The following ATP7B variants were observed in gnomAD, a reference collection of about 807,000 sequenced individuals.
The protein encoded by ATP7B is copper-transporting ATPase 2.
Under a neutral mutation model 118.9 loss-of-function variants are expected in ATP7B, and 113 were observed. The ratio of observed to expected loss-of-function variants is 0.95; its 90% CI spans 0.82 to 1.11. The LOEUF is 1.11. ATP7B is among the 50% of genes most tolerant of loss of function. ATP7B has a pLI of 0.00. For synonymous variants in ATP7B, 777 were observed against 727.4 expected, an observed-to-expected ratio of 1.07 and a Z score of -1.10; for missense variants, 1,867 against 1,871.4, an observed-to-expected ratio of 1.00 and a Z score of 0.04.
intron 8 of ATP7B, 79 bp from the exon 9 acceptor site, chr13:51,957,686 G>T: frequency 1.4e-6 from 2 of 1,403,288 alleles, no homozygotes; most frequent in South Asian, 1.2e-5. Context: ...CACAAGCGTG[G>T]TGTTAGAGAC....
chr13:51,974,758 G>C lies in ATP7B; in HGVS notation c.462C>G (p.Cys154Trp), dbSNP rs771654032. 4 of 1,614,042 alleles carry C rather than the reference G, an allele frequency of 2.5e-6. No homozygotes were observed. The highest frequency in any genetic ancestry group is 3.4e-6 in the Non-Finnish European group (4 of 1,180,020). The change falls in exon 2 of 21, where the codon TGC becomes TGG. Residue 154 changes from cysteine (C) to tryptophan (W), a missense_variant. Cys to Trp is a radical substitution (Grantham distance 215, BLOSUM62 -2). Transcript: ENST00000242839. ...VVKLRVEGMT[C>W]QSCVSSIEGK... The stretch of plus-strand genomic sequence containing the variant: ...CTTCAATGGAGCTGACACAGGACTG[G>C]CAGGTCATGCCCTCCACCCGGAGCT...
chr13:51,976,497 G>A (rs141326858), intron 1 of ATP7B, among the ~76,000 whole-genome samples: 115 of 152,310 alleles, frequency 7.6e-4, no homozygotes, highest in Middle Eastern at 6.8e-3. Flanking sequence ...TTGGGGGACA[G>A]CAGTTCAAAA....
chr13:51,940,897 T>C (rs1158893909), intron 16 of ATP7B, among the ~76,000 whole-genome samples, 184 bp downstream of exon 16: 1 of 152,078 alleles, frequency 6.6e-6, no homozygotes, highest in East Asian at 1.9e-4. Flanking sequence ...GGGGCCAAGA[T>C]GGAGCCAGTG....
At chr13:51,993,769 C>A (rs184489474) in intron 1 of ATP7B, among the ~76,000 whole-genome samples, 2 of 152,282 alleles carry the variant, frequency 1.3e-5, no homozygotes, top group Non-Finnish European at 2.9e-5. Context: ...AGTGCTTTCA[C>A]AATCATATGA....
In ATP7B at chr13:51,989,102, A is replaced by G. The variant is rs1286664154; in HGVS notation, c.52-13934T>C. On this transcript the variant is annotated intron_variant, in intron 1 of 20. Transcript: ENST00000242839. ...CATACATGTTTGAAAACAAATGACT[A>G]TGAAGACAAACATCACCTCATTTGA... Among the ~76,000 whole-genome samples, 8 of 152,288 alleles carry G rather than the reference A, an allele frequency of 5.3e-5. No homozygotes were observed. In the East Asian group the frequency reaches 7.7e-4, roughly 15 times the overall value.
intron 7 of ATP7B, 41 bp downstream of exon 7, chr13:51,960,107 C>T (rs985569727): frequency 1.3e-6 from 2 of 1,594,446 alleles, no homozygotes; most frequent in Non-Finnish European, 1.7e-6. Context: ...GGGCCACACA[C>T]AGCATGGAAG....
At chr13:51,964,778 C>T (rs1050581797) in intron 5 of ATP7B, 94 bp downstream of exon 5, 24 of 1,455,070 alleles carry the variant, frequency 1.6e-5, no homozygotes, top group South Asian at 1.6e-4. Context: ...TGGTTATTTT[C>T]ATTTTTTCTT....
At chr13:51,961,980 G>A in intron 5 of ATP7B, 67 bp from the exon 6 acceptor site, 3 of 1,354,734 alleles carry the variant, frequency 2.2e-6, no homozygotes, top group Non-Finnish European at 3.2e-6. Flanking sequence ...TGCATTGGCA[G>A]AAAGCACTTT....
rs769127965 is a variant in ATP7B at position 51,974,663 on chromosome 13, G to A, written c.557C>T (p.Thr186Ile). 3 of 1,611,194 alleles carry A rather than the reference G, an allele frequency of 1.9e-6. No homozygotes were observed. The highest frequency in any genetic ancestry group is 1.7e-6 in the Non-Finnish European group (2 of 1,177,782). Residue 186 changes from threonine to isoleucine, a missense_variant, in exon 2 of 21, where the codon ACT becomes ATT. Physicochemically the swap from Thr to Ile is moderately conservative, Grantham distance 89. Coordinates refer to ENST00000242839, the MANE Select transcript of ATP7B (RefSeq NM_000053.4). ...GGGCTGAATGAGATAAGGCTGATAA[G>A]TGATGACGGCCTCTTGGTTGCTGAG... ...VSLSNQEAVI[T>I]YQPYLIQPED...
chr13:51,982,183 T>C (rs921037695), intron 1 of ATP7B, among the ~76,000 whole-genome samples: 2 of 152,234 alleles, frequency 1.3e-5, no homozygotes, highest in African/African-American at 4.8e-5. Context: ...AACAATATTA[T>C]TGACTGTGAT....
chr13:51,937,742 C>T, intron 17 of ATP7B, 63 bp from the exon 18 acceptor site: 1 of 1,573,178 alleles, frequency 6.4e-7, no homozygotes, highest in African/African-American at 1.3e-5. Context: ...GCAGAAACCT[C>T]AAGTTACCCT....
At chr13:51,965,086 T>A in intron 4 of ATP7B, 53 bp from the exon 5 acceptor site, 1 of 1,609,538 alleles carries the variant, frequency 6.2e-7, no homozygotes, top group Non-Finnish European at 8.5e-7. Context: ...GGAAAGCCTG[T>A]GAAAGCCAGT....
intron 1 of ATP7B, chr13:51,975,585 A>G (rs1300401176): frequency 1.9e-6 from 1 of 514,302 alleles, no homozygotes; most frequent in East Asian, 5.5e-5. Context: ...CACAGAACTT[A>G]GTCCTTTCAG....
chr13:51,964,827 ACT>A (rs1193386840), intron 5 of ATP7B, 43 bp downstream of exon 5: 2 of 1,594,678 alleles, frequency 1.3e-6, no homozygotes, highest in African/African-American at 2.7e-5. Context: ...ATTATATATT[ACT>A]GTTTTTAAAA....
intron 12 of ATP7B, chr13:51,947,877 T>C (rs888898048): frequency 1.3e-5 from 2 of 152,130 alleles, no homozygotes; most frequent in African/African-American, 4.8e-5. Context: ...CTCCCTGATA[T>C]TGCAGATAAA....
Position 51,982,425 on chromosome 13 carries a change from C to T in ATP7B, c.52-7257G>A, listed in dbSNP as rs373817038. On this transcript the variant is annotated intron_variant, in intron 1 of 20. Coordinates refer to ENST00000242839, the MANE Select transcript of ATP7B (RefSeq NM_000053.4). Reference sequence around the variant, plus strand: ...GATAGTTTTAAGTGTAGACACAGGGCACATGTATGCTTTTAATTCAGTTCT... The same window carrying T: ...GATAGTTTTAAGTGTAGACACAGGGTACATGTATGCTTTTAATTCAGTTCT... 7.2e-5 allele frequency among the ~76,000 whole-genome samples: 11 copies of T among 152,150 alleles called. No homozygotes were observed. The East Asian group carries it at 1.5e-3, about 21-fold the overall frequency.
At chr13:51,988,610 T>A (rs543200599) in intron 1 of ATP7B, among the ~76,000 whole-genome samples, 2 of 152,276 alleles carry the variant, frequency 1.3e-5, no homozygotes, top group Admixed American at 1.3e-4. Flanking sequence ...CGCACACATA[T>A]GTTTATTGTG....
At position 51,946,380 on chromosome 13, in the gene ATP7B, C is replaced by A. The variant is rs761340503; in HGVS notation, c.2964G>T (p.Gly988=). 5 of 1,613,808 alleles carry A rather than the reference C, an allele frequency of 3.1e-6. No homozygotes were observed. The highest frequency in any genetic ancestry group is 4.2e-6 in the Non-Finnish European group (5 of 1,179,998). ...CCATGACAGCCGTGGGCGTGGCCAG[C>A]CCCAGGGAGCAGGGGCAGGCAATGC... ...VLCIACPCSL[G]LATPTAVMVG... Residue 988 remains glycine (G), a synonymous_variant, in exon 13 of 21, where the codon GGG becomes GGT. Coordinates refer to ENST00000242839, the MANE Select transcript of ATP7B (RefSeq NM_000053.4).
At chr13:51,983,719 C>T (rs1423944234) in intron 1 of ATP7B, among the ~76,000 whole-genome samples, 1 of 152,148 alleles carries the variant, frequency 6.6e-6, no homozygotes, top group African/African-American at 2.4e-5. Context: ...AAGGAACAGG[C>T]AGCAATCTTT....
Sources: allele counts gnomAD v4.1 joint callset (sites outside exome capture counted in the v4.1 genomes callset), GRCh38; gene constraint gnomAD v4.1.1; transcripts MANE v1.5; gene names NCBI Gene and HGNC (gene_info 2026-07-23, HGNC 2026-07-21).